ADGRL3: variants seen among roughly 807,000 people sequenced by gnomAD.
ADGRL3 encodes the protein adhesion G protein-coupled receptor L3.
ADGRL3 carries 62 observed loss-of-function variants against 153.5 expected under a neutral mutation model. The ratio of observed to expected loss-of-function variants is 0.40; its 90% confidence interval spans 0.33 to 0.50. The LOEUF (loss-of-function observed/expected upper bound fraction) is 0.50, where lower values mean the gene tolerates loss of function less well. Among genes scored for constraint, ADGRL3 ranks in the 20% least tolerant of loss-of-function variants. The probability of loss-of-function intolerance (pLI) is 0.47; values close to 1 mark genes in which losing one functional copy is unlikely to be tolerated. For synonymous variants in ADGRL3, 710 were observed against 672.5 expected (o/e 1.06, Z -0.86); for missense variants, 1,641 against 1,859.4 (o/e 0.88, Z 2.16).
chr4:61,558,127 G>A (rs936546504), intron 4 of ADGRL3, among the ~76,000 whole-genome samples: 12 of 136,856 alleles, frequency 8.8e-5, no homozygotes, highest in Non-Finnish European at 1.2e-4. Context: ...TATATATGTA[G>A]GAATCATATA....
At position 62,072,145 on chromosome 4, in the gene ADGRL3, C is replaced by A. The variant is rs566948124; in HGVS notation, c.*1237C>A. 6.5e-6 allele frequency: 1 copy of A among 152,782 alleles called. No homozygotes were observed. The highest frequency in any genetic ancestry group is 2.4e-5 in the African/African-American group (1 of 41,528). The allele number at this position is 152,782 out of a possible 1,614,324, so 9.5% of individuals were successfully genotyped here. ...ATGCTCAGTCTGATCAACAAGTGGG[C>A]ACCTGCACTACCACTTTTTAGAGGA... On this transcript the variant is annotated 3_prime_UTR_variant, in exon 27 of 27. Coordinates refer to ENST00000683033, the MANE Select transcript of ADGRL3 (RefSeq NM_001387552.1).
chr4:61,735,358 G>A (rs575449716), intron 8 of ADGRL3, among the ~76,000 whole-genome samples: 1 of 152,248 alleles, frequency 6.6e-6, no homozygotes, highest in Non-Finnish European at 1.5e-5. Flanking sequence ...TGGCTTTTAC[G>A]GAAAGAAAAG....
intron 2 of ADGRL3, among the ~76,000 whole-genome samples, chr4:61,483,408 A>G (rs190620127): frequency 7.9e-5 from 12 of 152,340 alleles, no homozygotes; most frequent in African/African-American, 2.4e-4. Flanking sequence ...GCACTCAATT[A>G]TGCATTCATA....
intron 11 of ADGRL3, among the ~76,000 whole-genome samples, chr4:61,904,013 C>T (rs1252771848): frequency 6.6e-6 from 1 of 151,522 alleles, no homozygotes; most frequent in African/African-American, 2.4e-5. Context: ...AAGTGATCCT[C>T]CTGCACTGGC....
chr4:61,658,453 C>T (rs1408369691), intron 5 of ADGRL3, among the ~76,000 whole-genome samples: 1 of 152,004 alleles, frequency 6.6e-6, no homozygotes, highest in Non-Finnish European at 1.5e-5. Flanking sequence ...TTTCTCTAAG[C>T]CTTAGTTTTT....
At chr4:61,519,867 G>T (rs2098519549) in intron 4 of ADGRL3, among the ~76,000 whole-genome samples, 1 of 151,854 alleles carries the variant, frequency 6.6e-6, no homozygotes. Flanking sequence ...ATAAATAAAA[G>T]AATAAAGGCT....
At chr4:61,701,820 TA>T (rs764201589) in intron 6 of ADGRL3, among the ~76,000 whole-genome samples, 11 of 152,102 alleles carry the variant, frequency 7.2e-5, no homozygotes, top group African/African-American at 1.2e-4. Context: ...GATTTGAAGA[TA>T]TTTTTTACAA....
intron 9 of ADGRL3, among the ~76,000 whole-genome samples, chr4:61,880,179 C>A (rs573202598): frequency 6.6e-5 from 10 of 152,296 alleles, no homozygotes; most frequent in Admixed American, 4.6e-4. Context: ...ATCCAGAATT[C>A]TCTTTCCAAA....
At chr4:61,516,949 C>T (rs532344237) in intron 3 of ADGRL3, among the ~76,000 whole-genome samples, 1 of 151,918 alleles carries the variant, frequency 6.6e-6, no homozygotes, top group African/African-American at 2.4e-5. Context: ...GGTATTAGTG[C>T]CCTTAATTTA....
chr4:61,733,593 T>G lies in ADGRL3; in HGVS notation c.1399+39T>G. 1.4e-6 allele frequency: 2 copies of G among 1,383,760 alleles called. 1 individual carries two copies. The highest frequency in any genetic ancestry group is 2.5e-5 in the South Asian group (2 of 79,220). The allele number at this position is 1,383,760 out of a possible 1,614,324, so 85.7% of individuals were successfully genotyped here. A position where few individuals can be genotyped will look rare whatever the true frequency, so the allele number is the denominator to read the frequency against. On this transcript the variant is annotated intron_variant, in intron 8 of 26. Coordinates refer to ENST00000683033, the MANE Select transcript of ADGRL3 (RefSeq NM_001387552.1). The stretch of plus-strand genomic sequence containing the variant: ...TTTGTGGTACTCTTTGGGGAAATAT[T>G]TACTGTTTGTTCTCAGCAAGTTCAT...
intron 6 of ADGRL3, among the ~76,000 whole-genome samples, chr4:61,690,638 C>T (rs1320536022): frequency 6.6e-6 from 1 of 151,988 alleles, no homozygotes; most frequent in Non-Finnish European, 1.5e-5. Context: ...AGGGAAGGAT[C>T]AGAAGAGAGA....
chr4:61,601,888 T>A (rs1193066812), intron 5 of ADGRL3, among the ~76,000 whole-genome samples: 3 of 152,198 alleles, frequency 2.0e-5, no homozygotes, highest in African/African-American at 2.4e-5. Context: ...ATTTCCATCA[T>A]CCATGTGTCT....
intron 5 of ADGRL3, among the ~76,000 whole-genome samples, chr4:61,635,207 T>G (rs546513053): frequency 6.6e-6 from 1 of 152,050 alleles, no homozygotes; most frequent in African/African-American, 2.4e-5. Flanking sequence ...GACCTTAAGC[T>G]GGGGAAGGAG....
rs544312702 is a variant in ADGRL3, at chr4:61,839,401, G to A, written c.1480+25512G>A. ...GTAGATACAGAGTTCTCACTATGTT[G>A]CCTGTGCTGGTCTCAAACTCTTGTG... On this transcript the variant is annotated intron_variant, in intron 9 of 26. Transcript: ENST00000683033. Among the ~76,000 whole-genome samples the A allele has an allele frequency of 3.3e-5, 5 of 151,800 alleles. No homozygotes were observed. In the East Asian group the frequency reaches 9.8e-4, roughly 30 times the overall value.
intron 23 of ADGRL3, among the ~76,000 whole-genome samples, chr4:62,034,300 G>C (rs945865349): frequency 7.3e-5 from 11 of 151,468 alleles, no homozygotes; most frequent in Non-Finnish European, 1.6e-4. Context: ...CTTAATTTTG[G>C]CTCCTGAGTC....
intron 9 of ADGRL3, among the ~76,000 whole-genome samples, chr4:61,833,479 G>A (rs1196222265): frequency 1.3e-5 from 2 of 152,140 alleles, no homozygotes; most frequent in African/African-American, 4.8e-5. Flanking sequence ...TAGGAGCCAG[G>A]AGTGCTGATT....
Position 61,813,894 on chromosome 4 carries a change from G to A in ADGRL3, c.1480+5G>A. 1 of 1,606,940 alleles carries A rather than the reference G, an allele frequency of 6.2e-7. No individual in the cohort carries two copies. Among genetic ancestry groups the A allele is most frequent in the Non-Finnish European group, 8.5e-7 (1 of 1,173,808 alleles). On this transcript the variant is annotated splice_donor_5th_base_variant and intron_variant, in intron 9 of 26. Coordinates refer to ENST00000683033, the MANE Select transcript of ADGRL3 (RefSeq NM_001387552.1). ...TAGAAAGACCCTCTGTTAAAGGTGA[G>A]TTTTTCTTTATATGAAGAAAAAGTA...
chr4:61,465,054 T>A (rs2097863133), intron 2 of ADGRL3, among the ~76,000 whole-genome samples: 1 of 152,194 alleles, frequency 6.6e-6, no homozygotes, highest in Admixed American at 6.6e-5. Context: ...CACGGGATCC[T>A]GATGTCAGAG....
intron 15 of ADGRL3, among the ~76,000 whole-genome samples, chr4:61,938,215 A>G (rs1308924852): frequency 6.6e-6 from 1 of 152,230 alleles, no homozygotes; most frequent in Non-Finnish European, 1.5e-5. Context: ...TCAGCCAATT[A>G]TAAACCAATT....
Sources: allele counts gnomAD v4.1 joint callset (sites outside exome capture counted in the v4.1 genomes callset), GRCh38; gene constraint gnomAD v4.1.1; transcripts MANE v1.5; gene names NCBI Gene and HGNC (gene_info 2026-07-23, HGNC 2026-07-21).